The following CGNL1 variants were observed in gnomAD, a reference collection of about 807,000 sequenced individuals.
CGNL1 encodes cingulin-like protein 1.
A neutral mutation model predicts 141.2 loss-of-function variants in CGNL1; 132 were observed. That is an observed-to-expected ratio of 0.93 (90% CI 0.81 to 1.08). The LOEUF (loss-of-function observed/expected upper bound fraction) is 1.08. Ranked by LOEUF, CGNL1 falls within the 50% of genes least tolerant of loss-of-function variation. The pLI is 0.00. For missense variants in CGNL1, 1,870 were observed against 1,588.6 expected (o/e 1.18, Z -3.01); for synonymous variants, 690 against 622.1 (o/e 1.11, Z -1.63).
At chr15:57,416,256 A>C (rs10083613) in intron 1 of CGNL1, among the ~76,000 whole-genome samples, 15,628 of 148,640 alleles carry the variant, frequency 0.11, 921 homozygotes, top group Middle Eastern at 0.2. Flanking sequence ...GCCTCTTTAC[A>C]TGTAGGGTTG....
intron 8 of CGNL1, chr15:57,478,155 G>GGT (rs2063680249): frequency 6.6e-6 from 1 of 152,144 alleles, no homozygotes; most frequent in African/African-American, 2.4e-5. Flanking sequence ...CCAGGACCGT[G>GGT]GGCTCATGGT....
intron 1 of CGNL1, among the ~76,000 whole-genome samples, chr15:57,431,653 TGCCTGTG>T (rs1459416120): frequency 1.3e-5 from 2 of 152,244 alleles, no homozygotes; most frequent in Non-Finnish European, 2.9e-5. Flanking sequence ...GCCCGTGGGC[TGCCTGTG>T]GCCCAGGATG....
chr15:57,415,506 G>A (rs2062838791), intron 1 of CGNL1, among the ~76,000 whole-genome samples: 1 of 152,212 alleles, frequency 6.6e-6, no homozygotes, highest in Admixed American at 6.5e-5. Context: ...AGGAGACAGA[G>A]TCTCCCTAAA....
chr15:57,515,204 C>T (rs1338521752), intron 8 of CGNL1, among the ~76,000 whole-genome samples: 2 of 152,196 alleles, frequency 1.3e-5, no homozygotes. Flanking sequence ...CCTGAGAAGT[C>T]TCAGCTGTCT....
chr15:57,436,037 T>C (rs2063101632), intron 1 of CGNL1, among the ~76,000 whole-genome samples: 1 of 152,162 alleles, frequency 6.6e-6, no homozygotes, highest in Non-Finnish European at 1.5e-5. Context: ...AAATACTACA[T>C]ATGCAACAAC....
intron 14 of CGNL1, among the ~76,000 whole-genome samples, chr15:57,537,552 G>A (rs35709805): frequency 0.11 from 16,305 of 151,796 alleles, 1,426 homozygotes; most frequent in East Asian, 0.45. Flanking sequence ...CTTTTTTGTG[G>A]TTATTATTTT....
rs964001168 is a variant in CGNL1, at chr15:57,438,609, T to G, written c.610T>G (p.Ser204Ala). 1.5e-5 allele frequency: 24 copies of G among 1,613,782 alleles called. No homozygotes were observed. The highest frequency in any genetic ancestry group is 2.0e-5 in the Non-Finnish European group (24 of 1,180,040). ...TAGCAATTCCCAGCCTACCAGTCCC[T>G]CCTTGGAAGACCCGGCCAAATCTGG... is the stretch of plus-strand genomic sequence containing the variant. The part of the protein sequence containing the change: ...KPSNSQPTSP[S>A]LEDPAKSGVT... The change falls in exon 2 of 19, where the codon TCC (serine) becomes GCC (alanine). Residue 204 changes from serine to alanine, a missense_variant. Transcript: ENST00000281282.
chr15:57,410,779 T>C (rs1453182865), intron 1 of CGNL1, among the ~76,000 whole-genome samples: 1 of 152,220 alleles, frequency 6.6e-6, no homozygotes, highest in Non-Finnish European at 1.5e-5. Flanking sequence ...AATCTTGTAT[T>C]AGTCAGGATG....
rs149897302 is a variant in CGNL1 at position 57,532,929 on chromosome 15, G to T, written c.3291+1150G>T. Among the ~76,000 whole-genome samples, 314 of 152,226 alleles carry T rather than the reference G, an allele frequency of 2.1e-3. 2 individuals are homozygous for T. The highest frequency in any genetic ancestry group is 7.0e-3 in the African/African-American group (292 of 41,532). ...TTTCAAATCTTCCCTATTCCAAAGG[G>T]CACTTTCCTCTGGTCTCTTCTGCTT... is the stretch of plus-strand genomic sequence containing the variant. On this transcript the variant is annotated intron_variant, in intron 14 of 18. Coordinates refer to ENST00000281282, the MANE Select transcript of CGNL1 (RefSeq NM_032866.5).
At chr15:57,486,531 C>A (rs2063787588) in intron 8 of CGNL1, among the ~76,000 whole-genome samples, 1 of 152,184 alleles carries the variant, frequency 6.6e-6, no homozygotes, top group South Asian at 2.1e-4. Context: ...CTCTTATTCC[C>A]AAAATTTTAG....
intron 8 of CGNL1, among the ~76,000 whole-genome samples, chr15:57,492,015 A>G (rs1346819555): frequency 6.6e-6 from 1 of 152,186 alleles, no homozygotes; most frequent in Non-Finnish European, 1.5e-5. Context: ...CCTGAATGGG[A>G]TCAAGAGCTG....
intron 8 of CGNL1, among the ~76,000 whole-genome samples, chr15:57,515,932 A>G (rs1595785996): frequency 6.6e-6 from 1 of 152,056 alleles, no homozygotes; most frequent in Non-Finnish European, 1.5e-5. Flanking sequence ...GCCGAGGCAG[A>G]CAGATGATGA....
At chr15:57,492,877 A>ACACAT (rs2063886379) in intron 8 of CGNL1, among the ~76,000 whole-genome samples, 1 of 152,232 alleles carries the variant, frequency 6.6e-6, no homozygotes, top group South Asian at 2.1e-4. Context: ...CCTCAGGCCC[A>ACACAT]CACATCACTG....
chr15:57,487,618 C>T (rs1436019707), intron 8 of CGNL1, among the ~76,000 whole-genome samples: 1 of 152,052 alleles, frequency 6.6e-6, no homozygotes, highest in Non-Finnish European at 1.5e-5. Context: ...TAAAAAGATC[C>T]ATGTTGAGGC....
chr15:57,510,694 G>C (rs566880260), intron 8 of CGNL1, among the ~76,000 whole-genome samples: 1 of 152,136 alleles, frequency 6.6e-6, no homozygotes, highest in African/African-American at 2.4e-5. Flanking sequence ...GCAGTTCTTC[G>C]CAGTCCCTTG....
intron 1 of CGNL1, among the ~76,000 whole-genome samples, chr15:57,430,407 A>G (rs1192247167): frequency 6.6e-6 from 1 of 152,206 alleles, no homozygotes; most frequent in Non-Finnish European, 1.5e-5. Flanking sequence ...CTTATCTAAC[A>G]CTTTTTTTGG....
At chr15:57,481,567 C>T (rs1389477086) in intron 8 of CGNL1, among the ~76,000 whole-genome samples, 1 of 152,188 alleles carries the variant, frequency 6.6e-6, no homozygotes, top group Admixed American at 6.5e-5. Context: ...AGATGCACCA[C>T]AGTTTGTTCA....
chr15:57,462,326 T>G (rs1475064363), intron 8 of CGNL1, among the ~76,000 whole-genome samples: 3 of 152,212 alleles, frequency 2.0e-5, no homozygotes, highest in Non-Finnish European at 4.4e-5. Context: ...TGATTTTGTG[T>G]AGCCTTTTGT....
intron 7 of CGNL1, 113 bp from the exon 8 acceptor site, chr15:57,461,567 G>A: frequency 1.2e-6 from 1 of 834,468 alleles, no homozygotes; most frequent in Non-Finnish European, 2.0e-6. Context: ...GGAGAGAGTG[G>A]CAAGGCCAGG....
Sources: allele counts gnomAD v4.1 joint callset (sites outside exome capture counted in the v4.1 genomes callset), GRCh38; gene constraint gnomAD v4.1.1; transcripts MANE v1.5; gene names NCBI Gene and HGNC (gene_info 2026-07-23, HGNC 2026-07-21).